Variants in UBAP2L observed in about 807,000 individuals in gnomAD.
UBAP2L encodes the protein ubiquitin-associated protein 2-like.
Under a neutral mutation model 130.6 loss-of-function variants are expected in UBAP2L, and 12 were observed. The ratio of observed to expected loss-of-function variants is 0.09; its 90% CI spans 0.06 to 0.15. The LOEUF is 0.15. Among genes scored for constraint, UBAP2L ranks in the 10% least tolerant of loss-of-function variants. UBAP2L has a pLI of 1.00. For synonymous variants in UBAP2L, 503 were observed against 524.7 expected, an observed-to-expected ratio of 0.96 and a Z score of 0.57; for missense variants, 965 against 1,332.5, an observed-to-expected ratio of 0.72 and a Z score of 4.29.
intron 3 of UBAP2L, among the ~76,000 whole-genome samples, chr1:154,228,361 T>C (rs1668673908): frequency 1.3e-5 from 2 of 152,132 alleles, no homozygotes; most frequent in African/African-American, 4.8e-5. Flanking sequence ...CTAATTTTTG[T>C]ATTTTTAGTA....
At chr1:154,247,307 G>A (rs368539707) in intron 11 of UBAP2L, among the ~76,000 whole-genome samples, 6 of 152,156 alleles carry the variant, frequency 3.9e-5, no homozygotes, top group East Asian at 1.9e-4. Flanking sequence ...TTTGGTGGTC[G>A]ATGTCCTGCC....
At chr1:154,251,842 T>TA (rs1677702626) in intron 14 of UBAP2L, among the ~76,000 whole-genome samples, 189 bp downstream of exon 14, 1 of 152,244 alleles carries the variant, frequency 6.6e-6, no homozygotes, top group Non-Finnish European at 1.5e-5. Context: ...CAGGTAGAAA[T>TA]ATGCCCCTTA....
chr1:154,251,909 G>A (rs1677727123), intron 14 of UBAP2L, among the ~76,000 whole-genome samples: 1 of 152,178 alleles, frequency 6.6e-6, no homozygotes, highest in Non-Finnish European at 1.5e-5. Flanking sequence ...GGCCAAGGCA[G>A]GAGGATTGCT....
chr1:154,228,586 C>G (rs776480806), intron 3 of UBAP2L, 29 bp from the exon 4 acceptor site: 11 of 1,543,204 alleles, frequency 7.1e-6, no homozygotes, highest in Non-Finnish European at 9.0e-6. Context: ...TAAGCCTGTT[C>G]ATGATGGTTG....
At chr1:154,223,467 C>T (rs1208700808) in intron 1 of UBAP2L, among the ~76,000 whole-genome samples, 1 of 151,828 alleles carries the variant, frequency 6.6e-6, no homozygotes, top group Admixed American at 6.6e-5. Flanking sequence ...TATATATATA[C>T]GTATATATGT....
At chr1:154,248,349 A>C (rs1052786785) in intron 11 of UBAP2L, among the ~76,000 whole-genome samples, 1 of 152,174 alleles carries the variant, frequency 6.6e-6, no homozygotes, top group Non-Finnish European at 1.5e-5. Context: ...TCTAGTGCAG[A>C]AGTTGGGATG....
chr1:154,249,824 GC>G (rs144626902), intron 12 of UBAP2L, among the ~76,000 whole-genome samples: 4,399 of 149,032 alleles, frequency 0.03, 219 homozygotes, highest in African/African-American at 0.11. Context: ...TGTGGTCCCA[GC>G]CCCTAGTGAG....
chr1:154,230,433 G>C (rs1442294891), intron 4 of UBAP2L, among the ~76,000 whole-genome samples: 1 of 152,046 alleles, frequency 6.6e-6, no homozygotes, highest in Non-Finnish European at 1.5e-5. Context: ...TAAATTGGTG[G>C]GTTTTTTCTT....
intron 4 of UBAP2L, among the ~76,000 whole-genome samples, chr1:154,233,545 A>G (rs1026784630): frequency 2.7e-5 from 4 of 146,290 alleles, no homozygotes; most frequent in Non-Finnish European, 5.9e-5. Flanking sequence ...GGCTGGTCTC[A>G]AACTCCTGCC....
In UBAP2L at chr1:154,261,097, T is replaced by C; in HGVS notation, c.2784T>C (p.Pro928=). The C allele has an allele frequency of 6.2e-7, 1 of 1,613,924 alleles. No individual in the cohort carries two copies. The highest frequency in any genetic ancestry group is 8.5e-7 in the Non-Finnish European group (1 of 1,179,846). ...TCCCCAGCACCTTCCAGTATGGGCC[T>C]GCTGTGTTCCCTGTGAGTACCTGGC... ...PGLPSTFQYG[P]AVFPVAPTSS... is the part of the protein sequence containing the mutation. Residue 928 remains proline (P), a synonymous_variant, in exon 23 of 27, where the codon CCT becomes CCC. Transcript: ENST00000428931.
chr1:154,268,077 C>T (rs184848237), intron 25 of UBAP2L, among the ~76,000 whole-genome samples: 2 of 150,968 alleles, frequency 1.3e-5, no homozygotes, highest in Non-Finnish European at 3.0e-5. Context: ...TTAGTAGAGA[C>T]GGGGTTTCTT....
At chr1:154,232,457 A>G (rs1226498245) in intron 4 of UBAP2L, among the ~76,000 whole-genome samples, 3 of 152,106 alleles carry the variant, frequency 2.0e-5, no homozygotes, top group Admixed American at 6.5e-5. Flanking sequence ...TACAATGCTC[A>G]TTTTCCTGAG....
At chr1:154,263,976 C>T (rs1194599) in intron 24 of UBAP2L, among the ~76,000 whole-genome samples, 1 of 151,962 alleles carries the variant, frequency 6.6e-6, no homozygotes, top group Admixed American at 6.6e-5. Flanking sequence ...GGCTCTGTGG[C>T]GACTGTGCTA....
At chr1:154,244,559 G>T (rs1276312777) in intron 10 of UBAP2L, among the ~76,000 whole-genome samples, 1 of 151,850 alleles carries the variant, frequency 6.6e-6, no homozygotes, top group African/African-American at 2.4e-5. Context: ...TTTAGTAGAG[G>T]CAGCGTTTCA....
intron 24 of UBAP2L, among the ~76,000 whole-genome samples, chr1:154,261,954 C>T (rs1681690036): frequency 6.6e-6 from 1 of 152,016 alleles, no homozygotes; most frequent in Non-Finnish European, 1.5e-5. Flanking sequence ...TGTTGGTTGG[C>T]CAAAAGTGTG....
At position 154,246,887 on chromosome 1, in the gene UBAP2L, C is replaced by T. The variant is rs566859457; in HGVS notation, c.1014+512C>T. Among the ~76,000 whole-genome samples the T allele has an allele frequency of 2.0e-5, 3 of 152,302 alleles. No individual in the cohort carries two copies. The South Asian group carries it at 6.2e-4, about 32-fold the overall frequency. ...GTAAATAGGGATAAAAGTGCTAGTCCTTCCCATCTTCCCAAAGGTGGCTAT... is the reference window on the plus strand; with the variant it reads ...GTAAATAGGGATAAAAGTGCTAGTCTTTCCCATCTTCCCAAAGGTGGCTAT... On this transcript the variant is annotated intron_variant, in intron 11 of 26. Coordinates refer to ENST00000428931, the MANE Select transcript of UBAP2L (RefSeq NM_014847.4).
In UBAP2L at chr1:154,259,014, A is replaced by C. The variant is rs772760147; in HGVS notation, c.2480A>C (p.Gln827Pro). ...VYGYDDLQML[Q>P]TRFPLDYYSI... ...GGTTATGATGACTTGCAGATGCTTC[A>C]GACAAGATTTCCATTGGTGAGTATG... The change falls in exon 21 of 27, where the codon CAG becomes CCG. Residue 827 changes from glutamine (Q) to proline (P), a missense_variant. Coordinates refer to ENST00000428931, the MANE Select transcript of UBAP2L (RefSeq NM_014847.4). The C allele has an allele frequency of 8.1e-6, 13 of 1,614,030 alleles. No homozygotes were observed. The highest frequency in any genetic ancestry group is 2.2e-5 in the East Asian group (1 of 44,880).
chr1:154,247,927 A>T (rs1490077920), intron 11 of UBAP2L, among the ~76,000 whole-genome samples: 1 of 151,818 alleles, frequency 6.6e-6, no homozygotes, highest in Non-Finnish European at 1.5e-5. Flanking sequence ...TGTATAATAC[A>T]GTGAACACTA....
At chr1:154,241,427 A>C (rs1189137357) in intron 8 of UBAP2L, 86 bp from the exon 9 acceptor site, 6 of 1,443,698 alleles carry the variant, frequency 4.2e-6, no homozygotes, top group Non-Finnish European at 3.8e-6. Context: ...TGGCTGCCAA[A>C]AAAATTAATA....
Sources: allele counts gnomAD v4.1 joint callset (sites outside exome capture counted in the v4.1 genomes callset), GRCh38; gene constraint gnomAD v4.1.1; transcripts MANE v1.5; gene names NCBI Gene and HGNC (gene_info 2026-07-23, HGNC 2026-07-21).